Variants in SCOC observed in about 807,000 individuals in gnomAD.
SCOC encodes short coiled coil protein.
Under a neutral mutation model 9.9 loss-of-function variants are expected in SCOC, and 7 were observed. The ratio of observed to expected loss-of-function variants is 0.71; its 90% confidence interval spans 0.40 to 1.33. The LOEUF is 1.33. SCOC is among the 40% of genes most tolerant of loss of function. The pLI is 0.01. For synonymous variants in SCOC, 19 were observed against 28.2 expected (o/e 0.67, Z 1.03); for missense variants, 66 against 89.7 (o/e 0.74, Z 1.07).
chr4:140,343,741 C>G (rs781277417), intron 2 of SCOC: 12 of 1,394,062 alleles, frequency 8.6e-6, no homozygotes, highest in Non-Finnish European at 1.0e-5. Flanking sequence ...CTCAAACATA[C>G]ATTCAACAAC....
rs1479352719 is a variant in SCOC at position 140,306,747 on chromosome 4, A to AGCT, written c.-18-36872_-18-36870dup. Among the ~76,000 whole-genome samples the AGCT allele has an allele frequency of 6.1e-5, 9 of 148,626 alleles. No homozygotes were observed. The Middle Eastern group carries it at 0.014, about 229-fold the overall frequency. On this transcript the variant is annotated intron_variant, in intron 1 of 4. Coordinates refer to the SCOC transcript ENST00000394205. The stretch of plus-strand genomic sequence containing the variant: ...CTCTGGCCTAACTTAAGTGGAAGCC[A>AGCT]GCTGGTCAGGACCCCTAGGAAGTAT...
chr4:140,335,006 C>T (rs1029958178), intron 1 of SCOC, among the ~76,000 whole-genome samples: 6 of 152,176 alleles, frequency 3.9e-5, no homozygotes, highest in Non-Finnish European at 1.5e-5. Flanking sequence ...ATCTTGAAGA[C>T]ATTATACAAA....
intron 1 of SCOC, among the ~76,000 whole-genome samples, chr4:140,322,334 T>A (rs936597116): frequency 3.3e-5 from 5 of 152,100 alleles, no homozygotes; most frequent in Non-Finnish European, 5.9e-5. Context: ...GTGATTCTGG[T>A]GAGAGCTCTG....
chr4:140,348,149 T>G (rs1472018781), intron 2 of SCOC, among the ~76,000 whole-genome samples: 1 of 152,194 alleles, frequency 6.6e-6, no homozygotes, highest in African/African-American at 2.4e-5. Flanking sequence ...CATAGTTATT[T>G]TTTTTAGTGG....
chr4:140,380,988 A>C lies in SCOC; in HGVS notation c.133A>C (p.Lys45Gln). 6.2e-7 allele frequency: 1 copy of C among 1,601,204 alleles called. No individual in the cohort carries two copies. Among genetic ancestry groups the C allele is most frequent in the Non-Finnish European group, 8.5e-7 (1 of 1,176,234 alleles). Residue 45 changes from lysine (K) to glutamine (Q), a missense_variant, in exon 4 of 4, where the codon AAG becomes CAG. Lys to Gln is a moderately conservative substitution (Grantham distance 53, BLOSUM62 1). Transcript: ENST00000608372. ...TCTCTCTGCAAGAGTAGATGCAGTT[A>C]AGGAAGAAAATCTGAAGCTAAAATC... Reference protein sequence around the residue: ...EDLSARVDAVKEENLKLKSEN... With the variant: ...EDLSARVDAVQEENLKLKSEN...
chr4:140,360,193 G>C (rs1727401801), intron 2 of SCOC, among the ~76,000 whole-genome samples: 1 of 152,176 alleles, frequency 6.6e-6, no homozygotes, highest in African/African-American at 2.4e-5. Context: ...GTTACTAAAG[G>C]ATAAAATTAA....
At chr4:140,315,609 T>C (rs1026578295) in intron 1 of SCOC, among the ~76,000 whole-genome samples, 1 of 152,204 alleles carries the variant, frequency 6.6e-6, no homozygotes, top group Non-Finnish European at 1.5e-5. Context: ...AGCTGAGCCT[T>C]TGGGCAACTC....
At chr4:140,276,788 A>T (rs1730994637) in intron 1 of SCOC, among the ~76,000 whole-genome samples, 1 of 151,616 alleles carries the variant, frequency 6.6e-6, no homozygotes, top group Non-Finnish European at 1.5e-5. Flanking sequence ...AAAAAAAACC[A>T]TGTCTGGGAG....
upstream of SCOC, among the ~76,000 whole-genome samples, chr4:140,372,683 G>A (rs141940704): frequency 6.6e-6 from 1 of 152,290 alleles, no homozygotes; most frequent in African/African-American, 2.4e-5. Flanking sequence ...AAGGCGATGT[G>A]TCAGCAAACT....
chr4:140,361,337 C>T (rs1159351461), intron 2 of SCOC, among the ~76,000 whole-genome samples: 1 of 151,796 alleles, frequency 6.6e-6, no homozygotes, highest in Non-Finnish European at 1.5e-5. Flanking sequence ...ACTTCAGTTG[C>T]GGCCAATGGT....
chr4:140,319,297 G>T (rs371480855), intron 1 of SCOC, among the ~76,000 whole-genome samples: 3 of 152,018 alleles, frequency 2.0e-5, no homozygotes, highest in African/African-American at 7.2e-5. Context: ...CTCCATGTTG[G>T]TCAGGCTGGT....
intron 1 of SCOC, among the ~76,000 whole-genome samples, chr4:140,375,295 T>C (rs1200293288): frequency 6.6e-6 from 1 of 152,224 alleles, no homozygotes; most frequent in Non-Finnish European, 1.5e-5. Flanking sequence ...CAGACATTTA[T>C]TGAATACCTA....
chr4:140,275,900 T>A (rs2126408651), intron 1 of SCOC, among the ~76,000 whole-genome samples: 1 of 148,148 alleles, frequency 6.8e-6, no homozygotes, highest in East Asian at 2.1e-4. Flanking sequence ...CTCTTCTCAC[T>A]GCAACCTATG....
intron 1 of SCOC, among the ~76,000 whole-genome samples, chr4:140,291,792 G>T (rs1036408710): frequency 2.6e-5 from 4 of 152,136 alleles, no homozygotes; most frequent in African/African-American, 7.2e-5. Flanking sequence ...AATACTGCAG[G>T]TCTCCAGGTA....
At chr4:140,260,827 A>G (rs1259792046) in intron 1 of SCOC, among the ~76,000 whole-genome samples, 1 of 152,228 alleles carries the variant, frequency 6.6e-6, no homozygotes, top group Non-Finnish European at 1.5e-5. Flanking sequence ...GAGAGAGAAA[A>G]GAAATTGTTC....
chr4:140,341,903 A>G (rs1327998449), upstream of SCOC, among the ~76,000 whole-genome samples: 2 of 152,094 alleles, frequency 1.3e-5, no homozygotes, highest in Non-Finnish European at 2.9e-5. Flanking sequence ...TCTTTGTCAA[A>G]ATTTCTTTAT....
At chr4:140,317,552 G>C (rs1732360140) in intron 1 of SCOC, among the ~76,000 whole-genome samples, 1 of 151,360 alleles carries the variant, frequency 6.6e-6, no homozygotes, top group African/African-American at 2.4e-5. Context: ...AAAAGAGACA[G>C]GAATTGCTCA....
chr4:140,267,282 G>A (rs6854279), intron 1 of SCOC, among the ~76,000 whole-genome samples: 2,388 of 152,250 alleles, frequency 0.016, 57 homozygotes, highest in African/African-American at 0.044. Flanking sequence ...GCCTTCATGA[G>A]AAAGGCTGGT....
intron 1 of SCOC, among the ~76,000 whole-genome samples, chr4:140,375,496 A>C (rs996349987): frequency 6.6e-6 from 1 of 152,210 alleles, no homozygotes; most frequent in Non-Finnish European, 1.5e-5. Context: ...ATCTGAATCC[A>C]TATTGTTAAT....
Sources: allele counts gnomAD v4.1 joint callset (sites outside exome capture counted in the v4.1 genomes callset), GRCh38; gene constraint gnomAD v4.1.1; transcripts MANE v1.5; gene names NCBI Gene and HGNC (gene_info 2026-07-23, HGNC 2026-07-21).